Variants in TYRP1 observed in about 807,000 individuals in gnomAD.
The protein encoded by TYRP1 is tyrosinase related protein 1, also known as 5,6-dihydroxyindole-2-carboxylic acid oxidase.
In TYRP1, 49 loss-of-function variants were observed where a neutral mutation model predicts 42.8. The observed-to-expected ratio is 1.14, with a 90% CI of 0.91 to 1.45. The LOEUF (loss-of-function observed/expected upper bound fraction) is 1.45, where lower values mean the gene tolerates loss of function less well. TYRP1 is among the 40% of genes most tolerant of loss of function. TYRP1 has a pLI of 0.00. For missense variants in TYRP1, 848 were observed against 662.0 expected, an observed-to-expected ratio of 1.28 and a Z score of -3.08; for synonymous variants, 279 against 235.4, an observed-to-expected ratio of 1.19 and a Z score of -1.69.
At chr9:12,700,167 T>C (rs1008392786) in intron 4 of TYRP1, 2 of 152,080 alleles carry the variant, frequency 1.3e-5, no homozygotes, top group Admixed American at 6.6e-5. Flanking sequence ...TGCATTGATA[T>C]AGTATCCTAT....
intron 4 of TYRP1, chr9:12,700,717 T>C (rs1403952150): frequency 6.6e-6 from 1 of 152,044 alleles, no homozygotes. Flanking sequence ...GAGGGCAAAT[T>C]AGAATGTAAT....
At chr9:12,704,831 A>G in intron 6 of TYRP1, 126 bp downstream of exon 6, 1 of 913,398 alleles carries the variant, frequency 1.1e-6, no homozygotes, top group Non-Finnish European at 1.8e-6. Context: ...CATAGCTGTA[A>G]TATCAAGTCA....
At chr9:12,703,651 T>C (rs1395873058) in intron 5 of TYRP1, among the ~76,000 whole-genome samples, 1 of 151,918 alleles carries the variant, frequency 6.6e-6, no homozygotes, top group Non-Finnish European at 1.5e-5. Flanking sequence ...AAAAAATGCA[T>C]AGGTGGCTAA....
At chr9:12,702,477 A>G (rs1272989474) in intron 5 of TYRP1, 39 bp downstream of exon 5, 1 of 1,596,452 alleles carries the variant, frequency 6.3e-7, no homozygotes, top group Non-Finnish European at 8.6e-7. Context: ...AGATCTAGTT[A>G]TCAGAGAAAA....
chr9:12,706,464 T>C (rs1818260082), intron 6 of TYRP1, among the ~76,000 whole-genome samples: 1 of 152,010 alleles, frequency 6.6e-6, no homozygotes, highest in South Asian at 2.1e-4. Flanking sequence ...ACCAGAAAAA[T>C]ACCTTTTGAA....
At chr9:12,697,974 T>C (rs955440154) in intron 3 of TYRP1, among the ~76,000 whole-genome samples, 26 of 152,098 alleles carry the variant, frequency 1.7e-4, no homozygotes, top group East Asian at 3.9e-4. Flanking sequence ...CAAATTAAAT[T>C]TAAAAACAGA....
intron 4 of TYRP1, among the ~76,000 whole-genome samples, chr9:12,699,017 T>C (rs934833549): frequency 1.3e-5 from 2 of 151,896 alleles, no homozygotes; most frequent in South Asian, 4.1e-4. Flanking sequence ...AAATGTTTCC[T>C]AAGAAAATGT....
chr9:12,698,601 C>G lies in TYRP1; in HGVS notation c.859C>G (p.Arg287Gly). Residue 287 changes from arginine to glycine, a missense_variant, in exon 4 of 8, where the codon CGA (arginine) becomes GGA (glycine). Coordinates refer to ENST00000388918, the MANE Select transcript of TYRP1 (RefSeq NM_000550.3). ...CCCAAACTCTGTCTTTTCTCAATGG[C>G]GAGTGGTCTGTGACTCCTTGGAAGA... ...ISPNSVFSQWRVVCDSLEDYD... is the reference protein window; with the variant it reads ...ISPNSVFSQWGVVCDSLEDYD... The G allele has an allele frequency of 6.2e-7, 1 of 1,613,702 alleles. No individual in the cohort carries two copies. The highest frequency in any genetic ancestry group is 8.5e-7 in the Non-Finnish European group (1 of 1,179,770).
intron 5 of TYRP1, among the ~76,000 whole-genome samples, chr9:12,703,883 A>ATG (rs58360847): frequency 0.037 from 5,318 of 143,458 alleles, 140 homozygotes; most frequent in African/African-American, 0.068. Flanking sequence ...ATATATATAT[A>ATG]TGTGTGTGTG....
At chr9:12,704,798 A>C (rs1818232165) in intron 6 of TYRP1, 93 bp downstream of exon 6, 8 of 1,234,192 alleles carry the variant, frequency 6.5e-6, no homozygotes, top group Non-Finnish European at 9.5e-6. Context: ...CAGCGCATAA[A>C]AACACTTTCA....
In TYRP1 at chr9:12,698,447, C is replaced by G. The variant is rs1200428651; in HGVS notation, c.709-4C>G. On this transcript the variant is annotated splice_region_variant and splice_polypyrimidine_tract_variant and intron_variant, in intron 3 of 7. Coordinates refer to ENST00000388918, the MANE Select transcript of TYRP1 (RefSeq NM_000550.3). ...AGAGTATTAATGTGGTTTCTGTGATCTAGGAAATGTTGCAAGAGCCTTCTT... is the reference window on the plus strand; with the variant it reads ...AGAGTATTAATGTGGTTTCTGTGATGTAGGAAATGTTGCAAGAGCCTTCTT... 6.2e-6 allele frequency: 10 copies of G among 1,613,000 alleles called. No individual in the cohort carries two copies. The highest frequency in any genetic ancestry group is 8.5e-6 in the Non-Finnish European group (10 of 1,179,286).
chr9:12,708,175 A>AATT (rs1189679956), intron 7 of TYRP1, 32 bp downstream of exon 7: 3 of 1,611,024 alleles, frequency 1.9e-6, no homozygotes, highest in Non-Finnish European at 2.5e-6. Flanking sequence ...TTACTGTGAT[A>AATT]ATTTCCAAAA....
intron 6 of TYRP1, among the ~76,000 whole-genome samples, chr9:12,705,493 T>A (rs888654934): frequency 6.6e-6 from 1 of 152,068 alleles, no homozygotes; most frequent in East Asian, 1.9e-4. Context: ...AATAACGTCC[T>A]CTAATCCAAC....
chr9:12,693,785 T>C, intron 1 of TYRP1, 127 bp from the exon 2 acceptor site: 1 of 509,728 alleles, frequency 2.0e-6, no homozygotes, highest in Non-Finnish European at 3.5e-6. Context: ...AATGTCACAC[T>C]TTTATTATTT....
At chr9:12,700,295 A>T (rs1299766807) in intron 4 of TYRP1, 1 of 152,004 alleles carries the variant, frequency 6.6e-6, no homozygotes, top group Non-Finnish European at 1.5e-5. Flanking sequence ...CTTTAGATAA[A>T]ACCTTCTTTC....
chr9:12,707,002 C>G (rs1050984020), intron 6 of TYRP1, among the ~76,000 whole-genome samples: 1 of 151,906 alleles, frequency 6.6e-6, no homozygotes, highest in African/African-American at 2.4e-5. Flanking sequence ...ATTACAGGTT[C>G]CTTTCATTAG....
In TYRP1 at chr9:12,709,473, T is replaced by TAG. The variant is rs1818321371; in HGVS notation, c.*292_*293insGA. On this transcript the variant is annotated 3_prime_UTR_variant, in exon 8 of 8. Coordinates refer to ENST00000388918, the MANE Select transcript of TYRP1 (RefSeq NM_000550.3). The stretch of plus-strand genomic sequence containing the variant: ...GATTTAAAGGTTGAGTATGTGAAGA[T>TAG]ATAAGTAAGTGAACTACCATGCTTT... 3 of 290,912 alleles carry TAG rather than the reference T, an allele frequency of 1.0e-5. No homozygotes were observed. Among genetic ancestry groups the TAG allele is most frequent in the African/African-American group, 1.6e-4 (2 of 12,624 alleles). The allele number at this position is 290,912 out of a possible 1,614,324, so 18.0% of individuals were successfully genotyped here. A position where few individuals can be genotyped will look rare whatever the true frequency, so the allele number is the denominator to read the frequency against.
rs769507025 is a variant in TYRP1 at position 12,709,119 on chromosome 9, T to A, written c.1551T>A (p.Asp517Glu). The part of the protein sequence containing the change: ...MDEANQPLLT[D>E]QYQCYAEEYE... ...AAGCTAACCAGCCTCTCCTCACTGA[T>A]CAGTATCAATGCTATGCTGAAGAAT... is the stretch of plus-strand genomic sequence containing the variant. The change falls in exon 8 of 8, where the codon GAT becomes GAA. Residue 517 changes from aspartate (D) to glutamate (E), a missense_variant. Asp to Glu is a conservative substitution (Grantham distance 45). Transcript: ENST00000388918. 6.2e-7 allele frequency: 1 copy of A among 1,612,738 alleles called. No individual in the cohort carries two copies. Among genetic ancestry groups the A allele is most frequent in the Non-Finnish European group, 8.5e-7 (1 of 1,179,174 alleles).
At chr9:12,698,383 G>A in intron 3 of TYRP1, 68 bp from the exon 4 acceptor site, 2 of 1,460,250 alleles carry the variant, frequency 1.4e-6, no homozygotes, top group East Asian at 4.5e-5. Flanking sequence ...CTGTCAGAGA[G>A]TAGACCAAAC....
Sources: allele counts gnomAD v4.1 joint callset (sites outside exome capture counted in the v4.1 genomes callset), GRCh38; gene constraint gnomAD v4.1.1; transcripts MANE v1.5; gene names NCBI Gene and HGNC (gene_info 2026-07-23, HGNC 2026-07-21).